The following ARSG variants were observed in gnomAD, a reference collection of about 807,000 sequenced individuals.
ARSG encodes the protein ASG.
ARSG carries 37 observed loss-of-function variants against 50.5 expected under a neutral mutation model. The ratio of observed to expected loss-of-function variants is 0.73; its 90% CI spans 0.56 to 0.96. ARSG has a LOEUF of 0.96. ARSG is among the 50% of genes least tolerant of loss of function. The pLI is 0.00. For missense variants in ARSG, 629 were observed against 675.3 expected, an observed-to-expected ratio of 0.93 and a Z score of 0.76; for synonymous variants, 225 against 254.6, an observed-to-expected ratio of 0.88 and a Z score of 1.11.
Position 68,273,945 on chromosome 17 carries a change from C to T in ARSG, c.-552+14519C>T, listed in dbSNP as rs782407139. 3.2e-5 allele frequency: 51 copies of T among 1,614,054 alleles called. No individual in the cohort carries two copies. Among genetic ancestry groups the T allele is most frequent in the African/African-American group, 2.4e-4 (18 of 75,048 alleles). On this transcript the variant is annotated intron_variant, in intron 1 of 11. Coordinates refer to the ARSG transcript ENST00000448504. ...CACTTACCAGAGATGATGCCGATGGCGACGTACATATGAGAAACCTCTTGT... is the reference window on the plus strand; with the variant it reads ...CACTTACCAGAGATGATGCCGATGGTGACGTACATATGAGAAACCTCTTGT...
intron 1 of ARSG, among the ~76,000 whole-genome samples, chr17:68,265,445 G>A (rs1555746163): frequency 6.6e-6 from 1 of 152,224 alleles, no homozygotes; most frequent in African/African-American, 2.4e-5. Context: ...AGTGAGCCAA[G>A]GTTGTGCCAC....
At chr17:68,404,398 T>C (rs1224510045) in intron 11 of ARSG, among the ~76,000 whole-genome samples, 4 of 152,340 alleles carry the variant, frequency 2.6e-5, no homozygotes, top group Middle Eastern at 3.4e-3. Flanking sequence ...ATCTATAATG[T>C]ATAATTTGGT....
chr17:68,352,050 G>GGAGAGAGACAGAGGAGAGAGAGAGA lies in ARSG; in HGVS notation c.566+398_566+422dup, dbSNP rs1568506264. ...AGGAGGGAGGGAGGGAGAGAGCAGAGGAGAGAGACAGAGGAGAGAGAGAGA... is the reference window on the plus strand; with the variant it reads ...AGGAGGGAGGGAGGGAGAGAGCAGAGGAGAGAGACAGAGGAGAGAGAGAGAGAGAGAGACAGAGGAGAGAGAGAGA... On this transcript the variant is annotated intron_variant, in intron 5 of 11. Transcript: ENST00000621439. Among the ~76,000 whole-genome samples the GGAGAGAGACAGAGGAGAGAGAGAGA allele has an allele frequency of 1.7e-4, 25 of 149,034 alleles. 1 individual carries two copies. The highest frequency in any genetic ancestry group is 8.2e-4 in the Admixed American group (12 of 14,638).
chr17:68,451,976 A>T, the ARSG span, among the ~76,000 whole-genome samples: 1 of 152,256 alleles, frequency 6.6e-6, no homozygotes, highest in Admixed American at 6.5e-5. Context: ...AAATGGTGTA[A>T]TAACAATAAC....
At chr17:68,395,689 TATTTA>T (rs2081212342) in intron 10 of ARSG, among the ~76,000 whole-genome samples, 1 of 152,228 alleles carries the variant, frequency 6.6e-6, no homozygotes, top group South Asian at 2.1e-4. Context: ...TTCCTGCATG[TATTTA>T]ATTTAATAAC....
intron 11 of ARSG, among the ~76,000 whole-genome samples, chr17:68,417,543 C>T (rs1437912406): frequency 6.6e-6 from 1 of 151,770 alleles, no homozygotes; most frequent in African/African-American, 2.4e-5. Context: ...CACTGAGCCT[C>T]CAGCAATTTG....
the ARSG span, chr17:68,435,822 G>T: frequency 3.1e-6 from 3 of 971,650 alleles, no homozygotes; most frequent in Non-Finnish European, 4.8e-6. Flanking sequence ...CCAGCTCCCT[G>T]TCTCTTCCTC....
intron 10 of ARSG, among the ~76,000 whole-genome samples, chr17:68,395,685 C>A (rs12939053): frequency 0.61 from 92,292 of 152,046 alleles, 30,181 homozygotes; most frequent in Non-Finnish European, 0.72. Context: ...TCTTTTCCTG[C>A]ATGTATTTAA....
chr17:68,436,080 A>G, the ARSG span, among the ~76,000 whole-genome samples: 1 of 152,236 alleles, frequency 6.6e-6, no homozygotes, highest in African/African-American at 2.4e-5. Flanking sequence ...AAACACCTGC[A>G]CACTGTCTCA....
At chr17:68,325,990 C>T (rs1427572474) in intron 2 of ARSG, among the ~76,000 whole-genome samples, 2 of 152,120 alleles carry the variant, frequency 1.3e-5, no homozygotes, top group Non-Finnish European at 2.9e-5. Context: ...ATCATTAGGT[C>T]TCACCAGGTA....
rs546891650 is a variant in ARSG, at chr17:68,337,237, G to A, written c.219-6367G>A. 1.7e-3 allele frequency among the ~76,000 whole-genome samples: 261 copies of A among 152,276 alleles called. 2 individuals are homozygous for A. The highest frequency in any genetic ancestry group is 5.2e-3 in the African/African-American group (218 of 41,570). On this transcript the variant is annotated intron_variant, in intron 2 of 11. Transcript: ENST00000621439. ...TTTAAGGTGCCAAGAAGAGATGTTC[G>A]GGAGGGGAGGGGAGCGAAGGTGGTC...
intron 2 of ARSG, among the ~76,000 whole-genome samples, chr17:68,339,058 C>T (rs2078151863): frequency 6.6e-6 from 1 of 152,156 alleles, no homozygotes; most frequent in Non-Finnish European, 1.5e-5. Flanking sequence ...AAGAGATTCT[C>T]TTTGAGCATT....
intron 1 of ARSG, among the ~76,000 whole-genome samples, chr17:68,304,436 CT>C (rs1293603196): frequency 1.1e-4 from 17 of 152,348 alleles, no homozygotes; most frequent in Admixed American, 6.5e-4. Context: ...GATGACATGA[CT>C]GTTTACTTGG....
upstream of ARSG, among the ~76,000 whole-genome samples, chr17:68,288,740 G>A (rs781894451): frequency 2.0e-5 from 3 of 152,304 alleles, no homozygotes; most frequent in African/African-American, 7.2e-5. Context: ...CCCTTTGAAG[G>A]CAAGGCCGAA....
chr17:68,395,152 G>A lies in ARSG; in HGVS notation c.1171G>A (p.Val391Ile), dbSNP rs752293584. ...AGGACGGCGCTTTGATGGTGTGGAC[G>A]TCTCCGAGGTGCTCTTTGGCCGGTC... Reference protein sequence around the residue: ...PQGRRFDGVDVSEVLFGRSQP... With the variant: ...PQGRRFDGVDISEVLFGRSQP... Residue 391 changes from valine (V) to isoleucine (I), a missense_variant, in exon 10 of 12, where the codon GTC becomes ATC. Coordinates refer to ENST00000621439, the MANE Select transcript of ARSG (RefSeq NM_001267727.2). 3.0e-5 allele frequency: 49 copies of A among 1,613,992 alleles called. 1 individual carries two copies. Among genetic ancestry groups the A allele is most frequent in the South Asian group, 8.8e-5 (8 of 91,090 alleles).
chr17:68,407,386 T>C (rs1427536003), intron 11 of ARSG, among the ~76,000 whole-genome samples: 2 of 152,158 alleles, frequency 1.3e-5, no homozygotes, highest in Non-Finnish European at 2.9e-5. Flanking sequence ...TTTTTCTAAT[T>C]CTGTGAAGAA....
chr17:68,356,956 C>T (rs1163803241), intron 6 of ARSG, 152 bp downstream of exon 6: 1 of 964,042 alleles, frequency 1.0e-6, no homozygotes. Context: ...ATAAGTAAAG[C>T]TGGAAAACAG....
chr17:68,420,502 A>G lies in ARSG; in HGVS notation c.*39A>G. The G allele has an allele frequency of 6.3e-7, 1 of 1,591,354 alleles. No homozygotes were observed. Among genetic ancestry groups the G allele is most frequent in the Admixed American group, 1.7e-5 (1 of 57,760 alleles). ...ATTCCACGAGGAGGAGTACCTGGAA[A>G]TTAGGCAAGTTTGCTTCCAAATTTC... On this transcript the variant is annotated 3_prime_UTR_variant, in exon 12 of 12. Coordinates refer to ENST00000621439, the MANE Select transcript of ARSG (RefSeq NM_001267727.2).
intron 1 of ARSG, among the ~76,000 whole-genome samples, chr17:68,260,354 C>A (rs1295991933): frequency 6.6e-6 from 1 of 152,104 alleles, no homozygotes; most frequent in Non-Finnish European, 1.5e-5. Context: ...ATTTTTCCCC[C>A]GGGTTGTTTA....
Sources: gnomAD v4.1 joint callset for allele counts (sites outside exome capture counted in the v4.1 genomes callset) on GRCh38, gnomAD v4.1.1 for gene constraint, MANE v1.5 for transcripts, NCBI Gene and HGNC (gene_info 2026-07-23, HGNC 2026-07-21) for gene names.